PRELID2: variants seen among roughly 807,000 people sequenced by gnomAD.
The protein encoded by PRELID2 is PRELI domain-containing protein 2.
Under a neutral mutation model 28.4 loss-of-function variants are expected in PRELID2, and 25 were observed. The observed-to-expected ratio is 0.88, with a 90% CI of 0.64 to 1.23. The LOEUF is 1.23. Among genes scored for constraint, PRELID2 ranks in the 50% most tolerant of loss-of-function variants. The pLI, the probability that PRELID2 is intolerant of heterozygous loss-of-function variation, is 0.00. For synonymous variants in PRELID2, 76 were observed against 71.6 expected (o/e 1.06, Z -0.31); for missense variants, 201 against 214.4 (o/e 0.94, Z 0.39).
At chr5:145,734,974 C>T (rs1756452886) in intron 1 of PRELID2, among the ~76,000 whole-genome samples, 1 of 152,294 alleles carries the variant, frequency 6.6e-6, no homozygotes, top group African/African-American at 2.4e-5. Context: ...CAGCTGGGCG[C>T]AGTGGCTCAT....
At chr5:145,508,481 A>G (rs1752432221) in intron 1 of PRELID2, among the ~76,000 whole-genome samples, 1 of 152,140 alleles carries the variant, frequency 6.6e-6, no homozygotes, top group African/African-American at 2.4e-5. Context: ...CCAAGTAGAA[A>G]GAAAAAGCTT....
the PRELID2 span, among the ~76,000 whole-genome samples, chr5:145,399,236 G>A: frequency 6.6e-6 from 1 of 152,116 alleles, no homozygotes; most frequent in African/African-American, 2.4e-5. Context: ...TTTCCTCAAT[G>A]TGGTGATAGA....
intron 1 of PRELID2, among the ~76,000 whole-genome samples, chr5:145,559,649 C>T (rs964202667): frequency 2.0e-5 from 3 of 152,082 alleles, no homozygotes; most frequent in African/African-American, 7.2e-5. Flanking sequence ...GGCTCTAGCA[C>T]GAGTGCCCAG....
At chr5:145,540,464 C>T (rs180746239) in intron 1 of PRELID2, among the ~76,000 whole-genome samples, 45 of 151,860 alleles carry the variant, frequency 3.0e-4, no homozygotes, top group African/African-American at 1.1e-3. Context: ...ATGGTGTGTC[C>T]ATCCAATGTA....
At chr5:145,569,093 C>G (rs1186742603) in intron 1 of PRELID2, among the ~76,000 whole-genome samples, 2 of 152,180 alleles carry the variant, frequency 1.3e-5, no homozygotes, top group Non-Finnish European at 2.9e-5. Context: ...AGATAGCATC[C>G]TCACCAGTTA....
chr5:145,284,697 T>C, the PRELID2 span, among the ~76,000 whole-genome samples: 1 of 152,022 alleles, frequency 6.6e-6, no homozygotes, highest in Non-Finnish European at 1.5e-5. Flanking sequence ...AATCCCAACT[T>C]TCTGTTCTTT....
chr5:145,610,421 G>C (rs760696363), intron 1 of PRELID2, among the ~76,000 whole-genome samples: 6 of 151,364 alleles, frequency 4.0e-5, no homozygotes, highest in Non-Finnish European at 8.8e-5. Flanking sequence ...CCATCCCCTG[G>C]AACTATCTTC....
At chr5:145,434,485 C>T in the PRELID2 span, among the ~76,000 whole-genome samples, 6 of 152,206 alleles carry the variant, frequency 3.9e-5, no homozygotes, top group African/African-American at 1.4e-4. Context: ...CACAGACACA[C>T]CATGCTCAGT....
chr5:145,453,324 A>G, the PRELID2 span, among the ~76,000 whole-genome samples: 1 of 152,176 alleles, frequency 6.6e-6, no homozygotes, highest in Admixed American at 6.6e-5. Context: ...AAATGAGACT[A>G]TTGATTCAAA....
chr5:145,640,229 G>A (rs1397045853), intron 1 of PRELID2, among the ~76,000 whole-genome samples: 2 of 151,978 alleles, frequency 1.3e-5, no homozygotes, highest in African/African-American at 2.4e-5. Flanking sequence ...GCTCACGCCT[G>A]TAATCCCAGC....
the PRELID2 span, among the ~76,000 whole-genome samples, chr5:145,462,150 C>T: frequency 3.3e-5 from 5 of 152,056 alleles, no homozygotes; most frequent in African/African-American, 7.2e-5. Flanking sequence ...GCTGATAGTA[C>T]GTAAGCATGA....
chr5:145,399,277 G>A, the PRELID2 span, among the ~76,000 whole-genome samples: 1 of 151,990 alleles, frequency 6.6e-6, no homozygotes, highest in African/African-American at 2.4e-5. Flanking sequence ...CATGGGGGTT[G>A]GAAATCCAGC....
chr5:145,240,836 A>G, the PRELID2 span, among the ~76,000 whole-genome samples: 8 of 152,110 alleles, frequency 5.3e-5, no homozygotes, highest in South Asian at 2.1e-4. Flanking sequence ...TTTGTTTCCT[A>G]CATTTAGTGA....
chr5:145,579,318 A>G lies in PRELID2; in HGVS notation n.71-106003T>C, dbSNP rs539666125. 3.3e-5 allele frequency among the ~76,000 whole-genome samples: 5 copies of G among 152,232 alleles called. No homozygotes were observed. The South Asian group carries it at 1.0e-3, about 32-fold the overall frequency. On this transcript the variant is annotated intron_variant and non_coding_transcript_variant, in intron 1 of 2. Coordinates refer to the PRELID2 transcript ENST00000510259. ...TAATTCTTGTAAATTATTAGCCTGG[A>G]TGGGGAGAGTTTGCTGTTAACATTT...
chr5:145,477,362 A>C (rs1208164739), intron 1 of PRELID2, among the ~76,000 whole-genome samples: 1 of 152,206 alleles, frequency 6.6e-6, no homozygotes, highest in East Asian at 1.9e-4. Context: ...CATCCACTGC[A>C]GTCCACATCC....
At chr5:145,261,997 G>C in the PRELID2 span, among the ~76,000 whole-genome samples, 1 of 151,966 alleles carries the variant, frequency 6.6e-6, no homozygotes, top group Non-Finnish European at 1.5e-5. Flanking sequence ...GCATAGATAA[G>C]AAAACAATCA....
intron 1 of PRELID2, among the ~76,000 whole-genome samples, chr5:145,494,343 A>G (rs1752291407): frequency 6.6e-6 from 1 of 152,246 alleles, no homozygotes; most frequent in Non-Finnish European, 1.5e-5. Flanking sequence ...GGCACAAATC[A>G]GTATTCAGTC....
At chr5:145,277,773 A>G in the PRELID2 span, among the ~76,000 whole-genome samples, 1 of 152,130 alleles carries the variant, frequency 6.6e-6, no homozygotes. Context: ...GCAACAGAGG[A>G]TGTAAAGGCT....
In PRELID2 at chr5:145,772,406, G is replaced by T. The variant is rs531266844; in HGVS notation, c.475-7406C>A. ...TGGAACTAGTCTGTGTTGTGCTGCT[G>T]TAACAGAATACTATAGGCTGAGTGA... On this transcript the variant is annotated intron_variant, in intron 5 of 6. Coordinates refer to ENST00000683046, the MANE Select transcript of PRELID2 (RefSeq NM_205846.3). 8.5e-5 allele frequency among the ~76,000 whole-genome samples: 13 copies of T among 152,240 alleles called. No individual in the cohort carries two copies. The East Asian group carries it at 1.9e-3, about 23-fold the overall frequency.
Sources: gnomAD v4.1 joint callset for allele counts (sites outside exome capture counted in the v4.1 genomes callset) on GRCh38, gnomAD v4.1.1 for gene constraint, MANE v1.5 for transcripts, NCBI Gene and HGNC (gene_info 2026-07-23, HGNC 2026-07-21) for gene names.